The following STAU2 variants were observed in gnomAD, a reference collection of about 807,000 sequenced individuals.
The protein encoded by STAU2 is double-stranded RNA-binding protein Staufen homolog 2.
STAU2 carries 20 observed loss-of-function variants against 65.9 expected under a neutral mutation model. The ratio of observed to expected loss-of-function variants is 0.30; its 90% CI spans 0.21 to 0.44. The LOEUF (loss-of-function observed/expected upper bound fraction) is 0.44, where lower values mean the gene tolerates loss of function less well. Among genes scored for constraint, STAU2 ranks in the 20% least tolerant of loss-of-function variants. STAU2 has a pLI of 1.00. For missense variants in STAU2, 558 were observed against 683.9 expected (o/e 0.82, Z 2.05); for synonymous variants, 232 against 233.9 (o/e 0.99, Z 0.07).
intron 12 of STAU2, among the ~76,000 whole-genome samples, chr8:73,560,132 G>A (rs1283909081): frequency 2.1e-5 from 3 of 140,804 alleles, no homozygotes; most frequent in Admixed American, 7.3e-5. Context: ...CCAGGCTGGA[G>A]TGCAGTGGCG....
intron 9 of STAU2, among the ~76,000 whole-genome samples, chr8:73,612,526 A>G (rs1247722611): frequency 6.6e-6 from 1 of 152,166 alleles, no homozygotes; most frequent in East Asian, 1.9e-4. Flanking sequence ...GACTCATGAT[A>G]AGTGGATCTA....
At chr8:73,721,394 T>C (rs1305045775) in intron 3 of STAU2, among the ~76,000 whole-genome samples, 1 of 151,966 alleles carries the variant, frequency 6.6e-6, no homozygotes, top group Non-Finnish European at 1.5e-5. Flanking sequence ...TTCTACTCTT[T>C]TTAGGTAGAG....
rs1213928763 is a variant in STAU2, at chr8:73,582,828, T to C, written c.1164A>G (p.Thr388=). 6.2e-7 allele frequency: 1 copy of C among 1,610,400 alleles called. No homozygotes were observed. Among genetic ancestry groups the C allele is most frequent in the African/African-American group, 1.3e-5 (1 of 74,772 alleles). Residue 388 remains threonine, a splice_region_variant and synonymous_variant, in exon 12 of 15, where the codon ACA becomes ACG. Transcript: ENST00000524300. The part of the protein sequence containing the change: ...STNLQDQLEK[T]GENKGWSGPK... Reference sequence around the variant, plus strand: ...GACCACTCCATCCTTTGTTTTCCCCTGTCTGAAAGATTAAATCAATCGTTC... The same window carrying C: ...GACCACTCCATCCTTTGTTTTCCCCCGTCTGAAAGATTAAATCAATCGTTC...
chr8:73,649,319 T>G lies in STAU2; in HGVS notation c.410+23788A>C, dbSNP rs148761342. Among the ~76,000 whole-genome samples the G allele has an allele frequency of 1.0e-3, 158 of 152,322 alleles. 1 individual carries two copies. Among genetic ancestry groups the G allele is most frequent in the African/African-American group, 3.5e-3 (147 of 41,566 alleles). On this transcript the variant is annotated intron_variant, in intron 6 of 14. Transcript: ENST00000524300. ...CTCATCACTTCATACAGATCATTATTCTTGCTTACCATTTAAGTAAAGACT... is the reference window on the plus strand; with the variant it reads ...CTCATCACTTCATACAGATCATTATGCTTGCTTACCATTTAAGTAAAGACT...
chr8:73,504,952 C>T (rs1821978836), intron 13 of STAU2, among the ~76,000 whole-genome samples: 1 of 152,064 alleles, frequency 6.6e-6, no homozygotes, highest in Admixed American at 6.6e-5. Flanking sequence ...CAGTTATTTT[C>T]TATCCCTTGA....
At chr8:73,726,356 A>G (rs1395053057) in intron 3 of STAU2, among the ~76,000 whole-genome samples, 1 of 152,210 alleles carries the variant, frequency 6.6e-6, no homozygotes, top group East Asian at 1.9e-4. Context: ...TGGGTGCACC[A>G]AAGTCTCAGA....
chr8:73,727,249 A>T (rs914831957), intron 3 of STAU2, among the ~76,000 whole-genome samples: 2 of 152,126 alleles, frequency 1.3e-5, no homozygotes, highest in Non-Finnish European at 2.9e-5. Context: ...AATAAATAAA[A>T]AATAAACTGA....
chr8:73,431,168 A>T (rs1432300270), intron 13 of STAU2, among the ~76,000 whole-genome samples: 1 of 152,238 alleles, frequency 6.6e-6, no homozygotes, highest in Non-Finnish European at 1.5e-5. Flanking sequence ...ATACACTAAC[A>T]TAAGCATCCA....
At chr8:73,506,792 G>A (rs1361077565) in intron 13 of STAU2, among the ~76,000 whole-genome samples, 1 of 152,100 alleles carries the variant, frequency 6.6e-6, no homozygotes, top group Non-Finnish European at 1.5e-5. Context: ...TTAAAAATCG[G>A]AGTCTATCCT....
chr8:73,692,366 T>A (rs561043381), intron 4 of STAU2, among the ~76,000 whole-genome samples: 43 of 152,066 alleles, frequency 2.8e-4, no homozygotes, highest in African/African-American at 8.0e-4. Context: ...CCGGGCTAAT[T>A]TTTGTATTTT....
intron 13 of STAU2, among the ~76,000 whole-genome samples, chr8:73,488,169 T>C (rs1234385604): frequency 6.6e-6 from 1 of 152,072 alleles, no homozygotes; most frequent in African/African-American, 2.4e-5. Context: ...TTTTACAGAG[T>C]AGGAATTTTT....
chr8:73,686,019 T>C (rs1372412442), intron 5 of STAU2, among the ~76,000 whole-genome samples: 5 of 151,842 alleles, frequency 3.3e-5, no homozygotes, highest in Non-Finnish European at 7.4e-5. Context: ...CTGGATGGAG[T>C]TGGAGACCAT....
intron 3 of STAU2, among the ~76,000 whole-genome samples, chr8:73,726,608 C>T (rs1294013521): frequency 6.6e-6 from 1 of 152,130 alleles, no homozygotes; most frequent in East Asian, 1.9e-4. Flanking sequence ...GTTATCTATT[C>T]AAGCCCACTG....
intron 13 of STAU2, among the ~76,000 whole-genome samples, chr8:73,524,785 T>C (rs1318550834): frequency 1.3e-5 from 2 of 152,208 alleles, no homozygotes; most frequent in African/African-American, 2.4e-5. Flanking sequence ...ATGATTACAA[T>C]TTTTCTTGCT....
chr8:73,615,586 AG>A, intron 8 of STAU2, 88 bp downstream of exon 8: 2 of 918,950 alleles, frequency 2.2e-6, no homozygotes, highest in Non-Finnish European at 3.5e-6. Context: ...TAACTCTTGC[AG>A]GATACTAATA....
chr8:73,656,822 T>C (rs1816411802), intron 6 of STAU2, among the ~76,000 whole-genome samples: 1 of 152,156 alleles, frequency 6.6e-6, no homozygotes, highest in Non-Finnish European at 1.5e-5. Context: ...GATTTTAAAT[T>C]TGTCTCATAA....
chr8:73,612,424 C>A (rs1372998414), intron 9 of STAU2, among the ~76,000 whole-genome samples: 1 of 152,166 alleles, frequency 6.6e-6, no homozygotes, highest in Non-Finnish European at 1.5e-5. Flanking sequence ...AGAACTGACT[C>A]CAAAGTTCAT....
chr8:73,514,663 T>A (rs1822607552), intron 13 of STAU2, among the ~76,000 whole-genome samples: 1 of 152,268 alleles, frequency 6.6e-6, no homozygotes, highest in African/African-American at 2.4e-5. Context: ...TGATCATTCC[T>A]ATACTCCATA....
intron 13 of STAU2, among the ~76,000 whole-genome samples, chr8:73,495,660 CAA>C (rs1204354218): frequency 1.0e-4 from 3 of 29,022 alleles, no homozygotes; most frequent in African/African-American, 1.3e-4. Flanking sequence ...TTCATAAAGC[CAA>C]ATATATATAT....
Sources: gnomAD v4.1 joint callset for allele counts (sites outside exome capture counted in the v4.1 genomes callset) on GRCh38, gnomAD v4.1.1 for gene constraint, MANE v1.5 for transcripts, NCBI Gene and HGNC (gene_info 2026-07-23, HGNC 2026-07-21) for gene names.